The following ITGAV variants were observed in gnomAD, a reference collection of about 807,000 sequenced individuals.
ITGAV encodes the protein integrin alpha-V.
In ITGAV, 76 loss-of-function variants were observed where a neutral mutation model predicts 143.8. The ratio of observed to expected loss-of-function variants is 0.53; its 90% CI spans 0.44 to 0.64. The LOEUF (loss-of-function observed/expected upper bound fraction) is 0.64, where lower values mean the gene tolerates loss of function less well. ITGAV is among the 30% of genes least tolerant of loss of function. The pLI is 0.00. For synonymous variants in ITGAV, 453 were observed against 446.7 expected (o/e 1.01, Z -0.18); for missense variants, 1,193 against 1,274.7 (o/e 0.94, Z 0.98).
chr2:186,619,573 A>C (rs1182165516), intron 2 of ITGAV, among the ~76,000 whole-genome samples: 1 of 149,524 alleles, frequency 6.7e-6, no homozygotes, highest in African/African-American at 2.5e-5. Context: ...ACACAAAAAA[A>C]CGTGCTAAAT....
At chr2:186,655,668 A>G (rs993885048) in intron 16 of ITGAV, among the ~76,000 whole-genome samples, 2 of 152,256 alleles carry the variant, frequency 1.3e-5, no homozygotes, top group Non-Finnish European at 2.9e-5. Context: ...ACAAGGCAGT[A>G]ATCCTAATTG....
At chr2:186,600,794 A>C (rs1445682105) in intron 1 of ITGAV, among the ~76,000 whole-genome samples, 1 of 152,086 alleles carries the variant, frequency 6.6e-6, no homozygotes, top group East Asian at 1.9e-4. Context: ...CCCTGTCTCT[A>C]CTAAAAATAT....
At chr2:186,650,964 G>C (rs1243387778) in intron 14 of ITGAV, among the ~76,000 whole-genome samples, 3 of 152,330 alleles carry the variant, frequency 2.0e-5, no homozygotes, top group South Asian at 4.1e-4. Context: ...TCATGCTTAT[G>C]TCTTGGTATT....
intron 1 of ITGAV, among the ~76,000 whole-genome samples, chr2:186,596,178 T>C (rs977395895): frequency 2.0e-5 from 3 of 152,226 alleles, no homozygotes; most frequent in African/African-American, 7.2e-5. Flanking sequence ...CTTTTTAAAG[T>C]AATTACAGTG....
chr2:186,590,561 C>T (rs1436008810), intron 1 of ITGAV, 38 bp downstream of exon 1: 2 of 1,562,820 alleles, frequency 1.3e-6, no homozygotes, highest in Middle Eastern at 2.2e-4. Flanking sequence ...CGGCCCCCTC[C>T]CCCACCGCGC....
At chr2:186,659,599 A>G (rs1688685726) in intron 18 of ITGAV, among the ~76,000 whole-genome samples, 2 of 151,968 alleles carry the variant, frequency 1.3e-5, no homozygotes. Flanking sequence ...AAAATTTGAT[A>G]GGTGGTATTC....
At position 186,678,004 on chromosome 2, in the gene ITGAV, C is replaced by G. The variant is rs1051559959; in HGVS notation, c.*712C>G. ...GTCAAATCCTTCAAGCCAACCTATACTAAAAATTAGTTCCATAATCACAAA... is the reference window on the plus strand; with the variant it reads ...GTCAAATCCTTCAAGCCAACCTATAGTAAAAATTAGTTCCATAATCACAAA... On this transcript the variant is annotated 3_prime_UTR_variant, in exon 30 of 30. Coordinates refer to ENST00000261023, the MANE Select transcript of ITGAV (RefSeq NM_002210.5). 1 of 152,010 alleles carries G rather than the reference C, an allele frequency of 6.6e-6. No individual in the cohort carries two copies. The highest frequency in any genetic ancestry group is 1.5e-5 in the Non-Finnish European group (1 of 67,926). The allele number at this position is 152,010 out of a possible 1,614,324, so 9.4% of individuals were successfully genotyped here.
At chr2:186,611,280 G>C (rs1290740325) in intron 2 of ITGAV, among the ~76,000 whole-genome samples, 2 of 152,054 alleles carry the variant, frequency 1.3e-5, no homozygotes, top group African/African-American at 4.8e-5. Context: ...TGCCTTACAA[G>C]GGTCACATAT....
chr2:186,662,660 C>T (rs780778983), intron 18 of ITGAV, among the ~76,000 whole-genome samples: 1 of 151,912 alleles, frequency 6.6e-6, no homozygotes, highest in Non-Finnish European at 1.5e-5. Flanking sequence ...TTTAGATGTG[C>T]TAAAAGTATA....
chr2:186,661,598 GTTT>G (rs66835696), intron 18 of ITGAV, among the ~76,000 whole-genome samples: 7 of 129,900 alleles, frequency 5.4e-5, no homozygotes, highest in African/African-American at 1.5e-4. Flanking sequence ...TTTTGTTTTT[GTTT>G]TTTTTTTTTT....
At position 186,677,480 on chromosome 2, in the gene ITGAV, A is replaced by G. The variant is rs993083809; in HGVS notation, c.*188A>G. ...ATAAATAAGTTCAGACATACATTTA[A>G]TAACATAGGGTGACTTGTGTTTTTA... is the stretch of plus-strand genomic sequence containing the variant. On this transcript the variant is annotated 3_prime_UTR_variant, in exon 30 of 30. Transcript: ENST00000261023. 2.1e-5 allele frequency: 11 copies of G among 536,062 alleles called. No homozygotes were observed. The highest frequency in any genetic ancestry group is 3.7e-5 in the Non-Finnish European group (11 of 299,056). The allele number at this position is 536,062 out of a possible 1,614,324, so 33.2% of individuals were successfully genotyped here.
intron 15 of ITGAV, among the ~76,000 whole-genome samples, chr2:186,652,931 A>ATTTTTTTTTTTTTTTTTTTTTTTTTTTTT: frequency 1.2e-5 from 1 of 82,424 alleles, no homozygotes; most frequent in Non-Finnish European, 2.2e-5. Context: ...TTCATTATAG[A>ATTTTTTTTTTTTTTTTTTTTTTTTTTTTT]TTTTTTTTTT....
chr2:186,671,083 A>G (rs958362682), intron 26 of ITGAV, among the ~76,000 whole-genome samples: 2 of 151,908 alleles, frequency 1.3e-5, no homozygotes, highest in Non-Finnish European at 2.9e-5. Flanking sequence ...CACTAACACA[A>G]CCTAACCCAG....
At position 186,630,822 on chromosome 2, in the gene ITGAV, A is replaced by AT; in HGVS notation, c.553dup (p.Cys185LeufsTer8). 1 of 1,588,086 alleles carries AT rather than the reference A, an allele frequency of 6.3e-7. No individual in the cohort carries two copies. Among genetic ancestry groups the AT allele is most frequent in the South Asian group, 1.1e-5 (1 of 89,766 alleles). ...AAGATATTGATGCTGATGGACAGGGATTTTGTCAAGGAGGATTCAGCATTG... is the reference window on the plus strand; with the variant it reads ...AAGATATTGATGCTGATGGACAGGGATTTTTGTCAAGGAGGATTCAGCATTG... On this transcript the variant is annotated frameshift_variant, in exon 5 of 30. Coordinates refer to ENST00000261023, the MANE Select transcript of ITGAV (RefSeq NM_002210.5). LOFTEE classifies it high-confidence loss of function.
chr2:186,667,592 T>C, intron 23 of ITGAV, 79 bp from the exon 24 acceptor site: 1 of 659,828 alleles, frequency 1.5e-6, no homozygotes. Flanking sequence ...ATTTGAGTAA[T>C]GAATATGGGG....
chr2:186,669,365 A>G (rs970073103), intron 25 of ITGAV, among the ~76,000 whole-genome samples: 1 of 152,238 alleles, frequency 6.6e-6, no homozygotes, highest in African/African-American at 2.4e-5. Flanking sequence ...GATCTAAGGA[A>G]AGGTGAAGAA....
chr2:186,603,424 A>G (rs143121974), intron 2 of ITGAV, among the ~76,000 whole-genome samples: 1 of 152,122 alleles, frequency 6.6e-6, no homozygotes, highest in African/African-American at 2.4e-5. Context: ...CCAGCTGTTA[A>G]TGGGAACCAG....
intron 2 of ITGAV, among the ~76,000 whole-genome samples, chr2:186,616,142 C>G (rs966600946): frequency 1.3e-5 from 2 of 151,984 alleles, no homozygotes; most frequent in African/African-American, 4.8e-5. Context: ...TTAAAATGTA[C>G]TGTTTATGTA....
Position 186,636,174 on chromosome 2 carries a change from A to T in ITGAV, c.724A>T (p.Thr242Ser), listed in dbSNP as rs1204266168. The T allele has an allele frequency of 6.2e-7, 1 of 1,612,732 alleles. No individual in the cohort carries two copies. Among genetic ancestry groups the T allele is most frequent in the Non-Finnish European group, 8.5e-7 (1 of 1,179,510 alleles). The change falls in exon 7 of 30, where the codon ACT becomes TCT. Residue 242 changes from threonine to serine, a missense_variant. By Grantham distance (58) the Thr-to-Ser change is moderately conservative (BLOSUM62 1). Coordinates refer to ENST00000261023, the MANE Select transcript of ITGAV (RefSeq NM_002210.5). ...GTATAATAACCAATTAGCAACTCGG[A>T]CTGCACAAGCTATTTTTGATGACAG... ...IKYNNQLATRTAQAIFDDSYL... is the reference protein window; with the variant it reads ...IKYNNQLATRSAQAIFDDSYL...
Sources: gnomAD v4.1 joint callset for allele counts (sites outside exome capture counted in the v4.1 genomes callset) on GRCh38, gnomAD v4.1.1 for gene constraint, MANE v1.5 for transcripts, NCBI Gene and HGNC (gene_info 2026-07-23, HGNC 2026-07-21) for gene names.